TMTC2: variants seen among roughly 807,000 people sequenced by gnomAD.
TMTC2 encodes protein O-mannosyl-transferase TMTC2.
TMTC2 carries 43 observed loss-of-function variants against 82.4 expected under a neutral mutation model. The observed-to-expected ratio is 0.52, with a 90% CI of 0.41 to 0.67. TMTC2 has a LOEUF of 0.67. Among genes scored for constraint, TMTC2 ranks in the 30% least tolerant of loss-of-function variants. The pLI, the probability that TMTC2 is intolerant of heterozygous loss-of-function variation, is 0.00. For missense variants in TMTC2, 919 were observed against 1,012.4 expected, an observed-to-expected ratio of 0.91 and a Z score of 1.25; for synonymous variants, 408 against 381.9, an observed-to-expected ratio of 1.07 and a Z score of -0.80.
At chr12:83,011,062 T>C (rs1483296072) in intron 8 of TMTC2, among the ~76,000 whole-genome samples, 20 of 152,218 alleles carry the variant, frequency 1.3e-4, no homozygotes, top group Admixed American at 1.3e-3. Flanking sequence ...CTTGAACTCC[T>C]GACCTCAGGT....
At chr12:83,066,562 A>ATGTCAGT (rs1882923546) in intron 11 of TMTC2, among the ~76,000 whole-genome samples, 1 of 152,030 alleles carries the variant, frequency 6.6e-6, no homozygotes, top group East Asian at 1.9e-4. Context: ...GAATTGAAAA[A>ATGTCAGT]TGTCAGTTGT....
At chr12:82,708,634 G>A (rs12296261) in intron 1 of TMTC2, among the ~76,000 whole-genome samples, 1,919 of 152,318 alleles carry the variant, frequency 0.013, 42 homozygotes, top group African/African-American at 0.044. Flanking sequence ...TGGCAGTCCT[G>A]TTTGGCCTGC....
intron 3 of TMTC2, among the ~76,000 whole-genome samples, chr12:82,910,296 C>T (rs1250994663): frequency 7.2e-5 from 11 of 152,272 alleles, no homozygotes; most frequent in Admixed American, 5.2e-4. Context: ...GGGAAAATTT[C>T]CCCTGTCCCC....
chr12:82,689,868 T>C (rs535184172), intron 1 of TMTC2, among the ~76,000 whole-genome samples: 8 of 152,228 alleles, frequency 5.3e-5, no homozygotes, highest in Non-Finnish European at 1.0e-4. Flanking sequence ...AGATAGTATA[T>C]ATTGATAAAA....
At chr12:83,070,072 G>T (rs556780934) in intron 11 of TMTC2, among the ~76,000 whole-genome samples, 51 of 152,252 alleles carry the variant, frequency 3.3e-4, no homozygotes, top group African/African-American at 1.2e-3. Flanking sequence ...GTACCAGGCT[G>T]TTTTGGTGTC....
chr12:83,065,342 C>A (rs1160182681), intron 11 of TMTC2, among the ~76,000 whole-genome samples: 5 of 151,690 alleles, frequency 3.3e-5, no homozygotes, highest in Admixed American at 2.6e-4. Context: ...ATGAAGAATT[C>A]CAGTGATCAA....
intron 1 of TMTC2, among the ~76,000 whole-genome samples, chr12:82,743,570 C>G (rs1480556302): frequency 1.3e-5 from 2 of 152,096 alleles, no homozygotes; most frequent in African/African-American, 4.8e-5. Context: ...TTCCCACAAC[C>G]CACCTTCCCT....
intron 4 of TMTC2, among the ~76,000 whole-genome samples, chr12:82,963,792 C>CACATATATATATAT (rs1213618232): frequency 1.9e-5 from 1 of 53,056 alleles, no homozygotes; most frequent in Non-Finnish European, 4.5e-5. Flanking sequence ...TCCAGATTTT[C>CACATATATATATAT]ATATATATAT....
In TMTC2 at chr12:83,083,110, C is replaced by A. The variant is rs192119264; in HGVS notation, c.2331+21279C>A. ...GAGGGCTTTTTACGGGAATGGGTAA[C>A]CCATAGAAAGCATTTAGAATGCTGC... On this transcript the variant is annotated intron_variant, in intron 11 of 11. Transcript: ENST00000321196. Among the ~76,000 whole-genome samples, 694 of 152,188 alleles carry A rather than the reference C, an allele frequency of 4.6e-3. 2 individuals are homozygous for A. Among genetic ancestry groups the A allele is most frequent in the Non-Finnish European group, 7.5e-3 (509 of 68,010 alleles).
chr12:82,745,228 C>T (rs911629184), intron 1 of TMTC2, among the ~76,000 whole-genome samples: 1 of 151,990 alleles, frequency 6.6e-6, no homozygotes. Context: ...CAGTTCAGGA[C>T]GTACATCACA....
intron 1 of TMTC2, among the ~76,000 whole-genome samples, chr12:82,818,251 C>A (rs1592546881): frequency 6.6e-6 from 1 of 152,142 alleles, no homozygotes; most frequent in South Asian, 2.1e-4. Flanking sequence ...ATTCCAAATA[C>A]TTCCAGATAA....
At chr12:82,743,608 C>A (rs1427964294) in intron 1 of TMTC2, among the ~76,000 whole-genome samples, 2 of 152,114 alleles carry the variant, frequency 1.3e-5, no homozygotes, top group African/African-American at 4.8e-5. Flanking sequence ...TGTTACTTTC[C>A]TAAACATTCC....
intron 10 of TMTC2, among the ~76,000 whole-genome samples, chr12:83,061,112 A>G (rs779497625): frequency 4.6e-5 from 7 of 151,754 alleles, no homozygotes; most frequent in Non-Finnish European, 8.9e-5. Flanking sequence ...CATTGCTTCT[A>G]CCATTGCGAA....
chr12:82,897,538 T>C (rs1274181229), intron 3 of TMTC2, among the ~76,000 whole-genome samples: 1 of 152,184 alleles, frequency 6.6e-6, no homozygotes, highest in Non-Finnish European at 1.5e-5. Context: ...ATTTTTATTC[T>C]TTTTTGAGAC....
intron 7 of TMTC2, among the ~76,000 whole-genome samples, chr12:82,974,658 A>T (rs1878591997): frequency 1.3e-5 from 2 of 152,190 alleles, no homozygotes; most frequent in African/African-American, 2.4e-5. Flanking sequence ...AAGCATAATG[A>T]ATTTATTTAA....
intron 4 of TMTC2, among the ~76,000 whole-genome samples, chr12:82,937,777 T>TATATATATATATATAC (rs1876446588): frequency 4.4e-5 from 1 of 22,788 alleles, no homozygotes; most frequent in African/African-American, 1.3e-4. Flanking sequence ...TATATATATA[T>TATATATATATATATAC]ATATATATAT....
chr12:82,936,388 C>T (rs1565817340), intron 4 of TMTC2, among the ~76,000 whole-genome samples: 1 of 151,944 alleles, frequency 6.6e-6, no homozygotes. Flanking sequence ...CACACACACA[C>T]AAGGACAACA....
chr12:82,817,313 GT>G (rs1211494443), intron 1 of TMTC2, among the ~76,000 whole-genome samples: 2 of 151,786 alleles, frequency 1.3e-5, no homozygotes, highest in African/African-American at 4.8e-5. Context: ...TTTTGTTTTT[GT>G]TTTTTTATAC....
chr12:82,774,012 A>T (rs1214189191), intron 1 of TMTC2, among the ~76,000 whole-genome samples: 1 of 152,104 alleles, frequency 6.6e-6, no homozygotes, highest in African/African-American at 2.4e-5. Flanking sequence ...TGCCCTGCCA[A>T]TGGTTAGGAA....
Sources: allele counts gnomAD v4.1 joint callset (sites outside exome capture counted in the v4.1 genomes callset), GRCh38; gene constraint gnomAD v4.1.1; transcripts MANE v1.5; gene names NCBI Gene and HGNC (gene_info 2026-07-23, HGNC 2026-07-21).